The following NKAIN4 variants were observed in gnomAD, a reference collection of about 807,000 sequenced individuals.
The protein encoded by NKAIN4 is sodium/potassium-transporting ATPase subunit beta-1-interacting protein 4.
A neutral mutation model predicts 28.8 loss-of-function variants in NKAIN4; 28 were observed. The ratio of observed to expected loss-of-function variants is 0.97; its 90% CI spans 0.72 to 1.33. The LOEUF is 1.33. Ranked by LOEUF, NKAIN4 falls within the 40% of genes most tolerant of loss-of-function variation. The probability of loss-of-function intolerance (pLI) is 0.00; values close to 1 mark genes in which losing one functional copy is unlikely to be tolerated. For synonymous variants in NKAIN4, 122 were observed against 115.6 expected (o/e 1.06, Z -0.36); for missense variants, 289 against 277.2 (o/e 1.04, Z -0.30).
intron 5 of NKAIN4, 37 bp from the exon 6 acceptor site, chr20:63,242,660 C>T: frequency 6.6e-7 from 1 of 1,513,120 alleles, no homozygotes; most frequent in Non-Finnish European, 9.2e-7. Context: ...ACAAAACCTA[C>T]ACAATGGAAA....
intron 4 of NKAIN4, chr20:63,246,641 T>A: frequency 1.0e-6 from 1 of 985,216 alleles, no homozygotes; most frequent in South Asian, 4.7e-5. Flanking sequence ...GTGTGTTGCG[T>A]CGACACCACC....
intron 3 of NKAIN4, chr20:63,248,064 C>T (rs1318465369): frequency 4.4e-5 from 14 of 316,980 alleles, no homozygotes; most frequent in Non-Finnish European, 6.3e-5. Flanking sequence ...CGGGCCCCTT[C>T]CTCGTGTCGC....
In NKAIN4 at chr20:63,254,398, A is replaced by T; in HGVS notation, c.53T>A (p.Leu18Gln). Residue 18 changes from leucine to glutamine, a missense_variant and splice_region_variant, in exon 1 of 7, where the codon CTG becomes CAG. Transcript: ENST00000370316. ...GCTCGCGGAGGGGTCGCCACTCACCAGCTGAAAAGCGCAGAGGACGACGAG... is the reference window on the plus strand; with the variant it reads ...GCTCGCGGAGGGGTCGCCACTCACCTGCTGAAAAGCGCAGAGGACGACGAG... ...CALVVLCAFQLVAALERQVFD... is the reference protein window; with the variant it reads ...CALVVLCAFQQVAALERQVFD... The T allele has an allele frequency of 6.9e-7, 1 of 1,452,030 alleles. No individual in the cohort carries two copies. The allele number at this position is 1,452,030 out of a possible 1,614,324, so 89.9% of individuals were successfully genotyped here.
At chr20:63,246,197 G>A (rs1200339346) in intron 4 of NKAIN4, among the ~76,000 whole-genome samples, 2 of 152,140 alleles carry the variant, frequency 1.3e-5, no homozygotes, top group Non-Finnish European at 2.9e-5. Flanking sequence ...CAAAGTGCTG[G>A]GATTACAGGT....
chr20:63,248,388 AC>A (rs2066898875), intron 3 of NKAIN4: 3 of 180,880 alleles, frequency 1.7e-5, no homozygotes, highest in East Asian at 1.4e-4. Flanking sequence ...GCCTTTTCCC[AC>A]CCCCTCCCCC....
At chr20:63,242,838 G>A (rs1421536570) in intron 5 of NKAIN4, among the ~76,000 whole-genome samples, 1 of 147,710 alleles carries the variant, frequency 6.8e-6, no homozygotes, top group Non-Finnish European at 1.5e-5. Flanking sequence ...GGCATCGGGG[G>A]ACAGTGGGGG....
intron 1 of NKAIN4, among the ~76,000 whole-genome samples, chr20:63,250,654 G>A (rs185701849): frequency 2.7e-5 from 4 of 149,326 alleles, no homozygotes; most frequent in Admixed American, 1.3e-4. Context: ...ACAGGACTCT[G>A]TTGAACTGCC....
At chr20:63,254,804 TCCTGCAGGATGA>T (rs1287331968), upstream of NKAIN4, 1 of 206,512 alleles carries the variant, frequency 4.8e-6, no homozygotes, top group African/African-American at 2.3e-5. Context: ...GTCCGCCCCC[TCCTGCAGGATGA>T]CCTGCCCAGC....
rs900985780 is a variant in NKAIN4 at position 63,252,490 on chromosome 20, C to T, written c.54+1907G>A. On this transcript the variant is annotated intron_variant, in intron 1 of 6. Coordinates refer to ENST00000370316, the MANE Select transcript of NKAIN4 (RefSeq NM_152864.4). This position sits in a 1 kb window ranked among gnomAD's most constrained non-coding sequence, Gnocchi z 4.6. Reference sequence around the variant, plus strand: ...AAAAAAAAAGGGGCTATCCAACAACCCCGCCCTTCCTCCCGGGCCCCCTAC... The same window carrying T: ...AAAAAAAAAGGGGCTATCCAACAACTCCGCCCTTCCTCCCGGGCCCCCTAC... Among the ~76,000 whole-genome samples the T allele has an allele frequency of 3.9e-5, 6 of 152,230 alleles. No homozygotes were observed. The South Asian group carries it at 8.3e-4, about 21-fold the overall frequency.
chr20:63,250,281 C>T (rs1192369642), intron 1 of NKAIN4, among the ~76,000 whole-genome samples: 1 of 151,748 alleles, frequency 6.6e-6, no homozygotes, highest in Non-Finnish European at 1.5e-5. Context: ...GTGTGCTTGG[C>T]TCTTCCAAGA....
In NKAIN4 at chr20:63,241,325, A is replaced by C; in HGVS notation, c.*172T>G. On this transcript the variant is annotated 3_prime_UTR_variant, in exon 7 of 7. Transcript: ENST00000370316. ...TCTTGACGCTGCAGCCAGCCGTGGC[A>C]CTGCCCTGCCGCCCTGGCTGGTGTC... 1 of 615,896 alleles carries C rather than the reference A, an allele frequency of 1.6e-6. No homozygotes were observed. The highest frequency in any genetic ancestry group is 2.9e-6 in the Non-Finnish European group (1 of 341,154). The allele number at this position is 615,896 out of a possible 1,614,324, so 38.2% of individuals were successfully genotyped here. A position where few individuals can be genotyped will look rare whatever the true frequency, so the allele number is the denominator to read the frequency against.
At chr20:63,248,744 A>C (rs2066903772) in intron 3 of NKAIN4, 71 bp downstream of exon 3, 1 of 963,922 alleles carries the variant, frequency 1.0e-6, no homozygotes, top group South Asian at 1.3e-5. Flanking sequence ...AAGCAAACAC[A>C]GGGGGTGTTA....
upstream of NKAIN4, chr20:63,254,641 G>T (rs940255032): frequency 9.5e-6 from 4 of 419,482 alleles, no homozygotes; most frequent in Non-Finnish European, 1.6e-5. Context: ...ACCCCCGCCT[G>T]CGGCCCCTGG....
At chr20:63,251,175 AG>A (rs2123124348) in intron 1 of NKAIN4, among the ~76,000 whole-genome samples, 2 of 152,190 alleles carry the variant, frequency 1.3e-5, no homozygotes, top group East Asian at 3.9e-4. Context: ...GGAGAGAGAG[AG>A]AGAGAGACAG....
At chr20:63,249,834 C>T (rs2066924204) in intron 2 of NKAIN4, 101 bp downstream of exon 2, 2 of 1,280,566 alleles carry the variant, frequency 1.6e-6, no homozygotes, top group Non-Finnish European at 2.2e-6. Context: ...GTGGGGTGTT[C>T]AGTGGTGTCC....
rs2066780027 is a variant in NKAIN4 at position 63,242,778 on chromosome 20, TG to T, written c.533-156del. On this transcript the variant is annotated intron_variant, in intron 5 of 6. Coordinates refer to ENST00000370316, the MANE Select transcript of NKAIN4 (RefSeq NM_152864.4). ...ACATGACAGCAGAGGGAACATGGCC[TG>T]GGGGGACGGGGGGGGTGGGACACCC... Among the ~76,000 whole-genome samples the T allele has an allele frequency of 3.4e-4, 3 of 8,904 alleles. No homozygotes were observed. In the Admixed American group the frequency reaches 4.3e-3, roughly 13 times the overall value. 5.8% of individuals were successfully genotyped at this position (8,904 alleles called of 152,430 possible). A position where few individuals can be genotyped will look rare whatever the true frequency, so the allele number is the denominator to read the frequency against.
At chr20:63,251,506 G>A (rs902098379) in intron 1 of NKAIN4, among the ~76,000 whole-genome samples, 10 of 152,164 alleles carry the variant, frequency 6.6e-5, no homozygotes, top group African/African-American at 1.4e-4. Context: ...ACCACGGTCC[G>A]CTTGGCAACG....
At position 63,249,983 on chromosome 20, in the gene NKAIN4, G is replaced by A; in HGVS notation, c.144C>T (p.Ile48=). 6.2e-7 allele frequency: 1 copy of A among 1,613,388 alleles called. No individual in the cohort carries two copies. The highest frequency in any genetic ancestry group is 8.5e-7 in the Non-Finnish European group (1 of 1,179,926). The change falls in exon 2 of 7, where the codon ATC becomes ATT. Residue 48 remains isoleucine (I), a synonymous_variant. Transcript: ENST00000370316. The part of the protein sequence containing the change: ...LANFVHIIIV[I]LGLFGTIQYR... ...ACTGGATGGTGCCGAAGAGTCCCAGGATGACGATGATGATGTGGACAAAGT... is the reference window on the plus strand; with the variant it reads ...ACTGGATGGTGCCGAAGAGTCCCAGAATGACGATGATGATGTGGACAAAGT...
Position 63,250,081 on chromosome 20 carries a change from A to G in NKAIN4, c.55-9T>C. ...CTCTCCAGGGCGGCGACCTAGGAGC[A>G]GGGCGGGCGCCATGAAGGGTGGACC... On this transcript the variant is annotated splice_polypyrimidine_tract_variant and intron_variant, in intron 1 of 6. Coordinates refer to ENST00000370316, the MANE Select transcript of NKAIN4 (RefSeq NM_152864.4). 2 of 1,557,666 alleles carry G rather than the reference A, an allele frequency of 1.3e-6. No homozygotes were observed. Among genetic ancestry groups the G allele is most frequent in the Non-Finnish European group, 8.7e-7 (1 of 1,151,544 alleles).
Sources: allele counts gnomAD v4.1 joint callset (sites outside exome capture counted in the v4.1 genomes callset), GRCh38; gene constraint gnomAD v4.1.1; non-coding constraint Gnocchi (gnomAD v3.1); transcripts MANE v1.5; gene names NCBI Gene and HGNC (gene_info 2026-07-23, HGNC 2026-07-21).